The following ST8SIA2 variants were observed in gnomAD, a reference collection of about 807,000 sequenced individuals.
The protein encoded by ST8SIA2 is alpha-2,8-sialyltransferase 8B.
In ST8SIA2, 22 loss-of-function variants were observed where a neutral mutation model predicts 37.6. The ratio of observed to expected loss-of-function variants is 0.58; its 90% CI spans 0.42 to 0.83. ST8SIA2 has a LOEUF of 0.83. ST8SIA2 is among the 40% of genes least tolerant of loss of function. The pLI, the probability that ST8SIA2 is intolerant of heterozygous loss-of-function variation, is 0.00. For synonymous variants in ST8SIA2, 205 were observed against 201.2 expected, an observed-to-expected ratio of 1.02 and a Z score of -0.16; for missense variants, 382 against 484.7, an observed-to-expected ratio of 0.79 and a Z score of 1.99.
chr15:92,423,140 T>C (rs2049649047), intron 1 of ST8SIA2, among the ~76,000 whole-genome samples: 1 of 152,246 alleles, frequency 6.6e-6, no homozygotes, highest in African/African-American at 2.4e-5. Flanking sequence ...GGGGAAAAGA[T>C]GTAAAGAGGG....
chr15:92,459,695 G>A (rs939122798), intron 5 of ST8SIA2, among the ~76,000 whole-genome samples: 1 of 152,026 alleles, frequency 6.6e-6, no homozygotes, highest in African/African-American at 2.4e-5. Context: ...TGCCTCCCAG[G>A]TCAAGCGATT....
chr15:92,442,495 G>A (rs1278595125), intron 4 of ST8SIA2, among the ~76,000 whole-genome samples: 1 of 152,076 alleles, frequency 6.6e-6, no homozygotes, highest in Non-Finnish European at 1.5e-5. Flanking sequence ...AGCCCCTCCT[G>A]CCCCATGGTT....
chr15:92,443,533 G>A (rs944780893), intron 4 of ST8SIA2, among the ~76,000 whole-genome samples: 3 of 152,100 alleles, frequency 2.0e-5, no homozygotes, highest in African/African-American at 7.2e-5. Context: ...TTCTAATCGT[G>A]GCCAAAAATT....
intron 1 of ST8SIA2, among the ~76,000 whole-genome samples, chr15:92,395,227 A>G (rs536869570): frequency 6.6e-6 from 1 of 152,310 alleles, no homozygotes; most frequent in African/African-American, 2.4e-5. Flanking sequence ...AGAGGGCAGA[A>G]GGTCTCTTCT....
rs577553437 is a variant in ST8SIA2, at chr15:92,434,439, T to TA, written c.290+64_290+65insA. 2.0e-5 allele frequency: 33 copies of TA among 1,610,836 alleles called. No individual in the cohort carries two copies. The East Asian group carries it at 6.9e-4, about 34-fold the overall frequency. On this transcript the variant is annotated intron_variant, in intron 3 of 5. Coordinates refer to ENST00000268164, the MANE Select transcript of ST8SIA2 (RefSeq NM_006011.4). ...TCTTGAGCATACACGGGCAAATTGC[T>TA]TCTCTTCGTCATCTAAAGAAGTCAG... is the stretch of plus-strand genomic sequence containing the variant.
intron 5 of ST8SIA2, among the ~76,000 whole-genome samples, chr15:92,450,647 A>G (rs542153553): frequency 5.9e-5 from 9 of 152,314 alleles, no homozygotes; most frequent in African/African-American, 2.2e-4. Context: ...CTCACTCATT[A>G]TCATGAGGAC....
intron 1 of ST8SIA2, among the ~76,000 whole-genome samples, chr15:92,407,506 C>T (rs1177832698): frequency 2.0e-5 from 3 of 152,178 alleles, no homozygotes; most frequent in Admixed American, 2.0e-4. Context: ...GGCTGGGATG[C>T]GATCTTTCAC....
intron 1 of ST8SIA2, among the ~76,000 whole-genome samples, chr15:92,411,197 A>G (rs913522092): frequency 2.6e-5 from 4 of 152,318 alleles, no homozygotes; most frequent in Admixed American, 6.5e-5. Flanking sequence ...AGATGGTTCA[A>G]ACATTTCAAA....
intron 1 of ST8SIA2, among the ~76,000 whole-genome samples, chr15:92,408,894 CG>C (rs1401268942): frequency 2.6e-5 from 4 of 151,636 alleles, no homozygotes; most frequent in Non-Finnish European, 5.9e-5. Context: ...TGGGTAGAGG[CG>C]GGGTTTCACC....
At chr15:92,458,025 T>C (rs2049931664) in intron 5 of ST8SIA2, among the ~76,000 whole-genome samples, 1 of 152,136 alleles carries the variant, frequency 6.6e-6, no homozygotes, top group African/African-American at 2.4e-5. Flanking sequence ...ACCTACATCT[T>C]CCCATTTTTC....
chr15:92,400,119 C>T (rs28680784), intron 1 of ST8SIA2, among the ~76,000 whole-genome samples: 47,470 of 152,052 alleles, frequency 0.31, 8,761 homozygotes, highest in Non-Finnish European at 0.41. Flanking sequence ...CTGCTGTTGC[C>T]CTGCTCCTCC....
In ST8SIA2 at chr15:92,468,225, A is replaced by T. The variant is rs1256607701; in HGVS notation, c.*3840A>T. On this transcript the variant is annotated 3_prime_UTR_variant, in exon 6 of 6. Coordinates refer to ENST00000268164, the MANE Select transcript of ST8SIA2 (RefSeq NM_006011.4). ...GTGATTTTCCTCTCCCGTTGCACAC[A>T]AACCTTTAAAAGTTCCCCGGCCCGT... 1 of 152,608 alleles carries T rather than the reference A, an allele frequency of 6.6e-6. No homozygotes were observed. Among genetic ancestry groups the T allele is most frequent in the Non-Finnish European group, 1.5e-5 (1 of 68,044 alleles). 9.5% of individuals were successfully genotyped at this position (152,608 alleles called of 1,614,324 possible).
chr15:92,424,665 G>A (rs924877259), intron 1 of ST8SIA2, among the ~76,000 whole-genome samples: 10 of 150,750 alleles, frequency 6.6e-5, no homozygotes, highest in Admixed American at 3.3e-4. Context: ...CCAGGCTGGA[G>A]TGCAGTGGCA....
intron 5 of ST8SIA2, among the ~76,000 whole-genome samples, chr15:92,451,713 C>A (rs1316173035): frequency 6.6e-6 from 1 of 152,168 alleles, no homozygotes; most frequent in Non-Finnish European, 1.5e-5. Flanking sequence ...TTACATGCCG[C>A]ACGCCATGCC....
intron 1 of ST8SIA2, among the ~76,000 whole-genome samples, chr15:92,415,848 C>G (rs17646658): frequency 6.6e-6 from 1 of 152,000 alleles, no homozygotes; most frequent in African/African-American, 2.4e-5. Flanking sequence ...AGAGAGGGCA[C>G]GATATTTAAA....
At chr15:92,463,710 C>T (rs1171657937) in intron 5 of ST8SIA2, among the ~76,000 whole-genome samples, 1 of 152,156 alleles carries the variant, frequency 6.6e-6, no homozygotes, top group Non-Finnish European at 1.5e-5. Context: ...AACTATTGAT[C>T]ATCTAGCCCC....
chr15:92,416,918 C>G (rs2049591376), intron 1 of ST8SIA2, among the ~76,000 whole-genome samples: 2 of 152,240 alleles, frequency 1.3e-5, no homozygotes, highest in Admixed American at 1.3e-4. Context: ...GCTCCACTTT[C>G]TCTCCTCCAC....
chr15:92,463,363 C>A (rs1256636465), intron 5 of ST8SIA2, among the ~76,000 whole-genome samples: 1 of 152,206 alleles, frequency 6.6e-6, no homozygotes, highest in Non-Finnish European at 1.5e-5. Flanking sequence ...CAGAACCCAG[C>A]CTTGCATGGC....
At chr15:92,407,383 C>T (rs1324125446) in intron 1 of ST8SIA2, among the ~76,000 whole-genome samples, 1 of 152,228 alleles carries the variant, frequency 6.6e-6, no homozygotes, top group Non-Finnish European at 1.5e-5. Flanking sequence ...AAGGAGGATA[C>T]AGTGTGTCCA....
Sources: gnomAD v4.1 joint callset for allele counts (sites outside exome capture counted in the v4.1 genomes callset) on GRCh38, gnomAD v4.1.1 for gene constraint, MANE v1.5 for transcripts, NCBI Gene and HGNC (gene_info 2026-07-23, HGNC 2026-07-21) for gene names.